DENND5B: variants seen among roughly 807,000 people sequenced by gnomAD.
The protein encoded by DENND5B is DENN domain containing 5B, also known as DENN domain-containing protein 5B.
DENND5B carries 34 observed loss-of-function variants against 140.6 expected under a neutral mutation model. The observed-to-expected ratio is 0.24, with a 90% CI of 0.18 to 0.32. DENND5B has a LOEUF of 0.32. DENND5B is among the 10% of genes least tolerant of loss of function. The pLI is 1.00. For missense variants in DENND5B, 1,142 were observed against 1,560.2 expected (o/e 0.73, Z 4.52); for synonymous variants, 551 against 562.1 (o/e 0.98, Z 0.28).
chr12:31,586,393 G>A (rs1950394113), intron 1 of DENND5B, among the ~76,000 whole-genome samples: 2 of 152,194 alleles, frequency 1.3e-5, no homozygotes. Flanking sequence ...GGTAGGAGAA[G>A]CACAAGAACT....
intron 14 of DENND5B, among the ~76,000 whole-genome samples, chr12:31,408,724 CT>C (rs1356133802): frequency 7.3e-5 from 11 of 150,316 alleles, no homozygotes; most frequent in Non-Finnish European, 1.5e-4. Flanking sequence ...CACACAGATA[CT>C]TTGATTTTAT....
chr12:31,549,480 G>C (rs1024204556), intron 1 of DENND5B, among the ~76,000 whole-genome samples: 20 of 149,322 alleles, frequency 1.3e-4, no homozygotes, highest in African/African-American at 4.9e-4. Flanking sequence ...TTACTTTCTT[G>C]GGTCCTATGG....
intron 1 of DENND5B, chr12:31,534,818 T>G: frequency 2.2e-6 from 1 of 456,758 alleles, no homozygotes; most frequent in Non-Finnish European, 4.3e-6. Context: ...GAAGTTGTTT[T>G]TCAGCCCTGG....
chr12:31,484,662 G>C (rs1018863463), intron 2 of DENND5B, among the ~76,000 whole-genome samples: 9 of 151,956 alleles, frequency 5.9e-5, no homozygotes, highest in African/African-American at 2.2e-4. Flanking sequence ...TTAGCAGGGC[G>C]TGGTGGCATG....
chr12:31,572,957 T>C (rs939120702), intron 1 of DENND5B, among the ~76,000 whole-genome samples: 1 of 152,234 alleles, frequency 6.6e-6, no homozygotes, highest in Non-Finnish European at 1.5e-5. Context: ...ACGAAACTCA[T>C]GCCAATTAAA....
intron 1 of DENND5B, among the ~76,000 whole-genome samples, chr12:31,521,858 G>T (rs892930988): frequency 4.6e-5 from 7 of 152,066 alleles, no homozygotes; most frequent in Non-Finnish European, 1.0e-4. Context: ...CCATACTATT[G>T]CCAAAATCAT....
Position 31,387,776 on chromosome 12 carries a change from G to C in DENND5B, c.3652C>G (p.Leu1218Val). 6.2e-7 allele frequency: 1 copy of C among 1,613,508 alleles called. No homozygotes were observed. The highest frequency in any genetic ancestry group is 8.5e-7 in the Non-Finnish European group (1 of 1,179,812). Residue 1218 changes from leucine (L) to valine (V), a missense_variant, in exon 21 of 21, where the codon CTC (leucine) becomes GTC (valine). By Grantham distance (32) the Leu-to-Val change is conservative. Coordinates refer to ENST00000389082, the MANE Select transcript of DENND5B (RefSeq NM_144973.4). ...LVCLGTRDRLLPQWIPLLAEC... is the reference protein window; with the variant it reads ...LVCLGTRDRLVPQWIPLLAEC... The stretch of plus-strand genomic sequence containing the variant: ...GCTAACAATGGAATCCACTGTGGGA[G>C]CAGGCGATCCCTACAGACCCAAACA...
chr12:31,450,364 T>C (rs931820008), intron 5 of DENND5B, among the ~76,000 whole-genome samples: 1 of 23,628 alleles, frequency 4.2e-5, no homozygotes, highest in Non-Finnish European at 2.3e-4. Context: ...AAAAAAATTA[T>C]CTTTTGTTTT....
chr12:31,553,123 C>T (rs1159152002), intron 1 of DENND5B, among the ~76,000 whole-genome samples: 1 of 152,044 alleles, frequency 6.6e-6, no homozygotes, highest in Admixed American at 6.6e-5. Context: ...TGTGTTTGCT[C>T]TTGCTTTTCT....
intron 1 of DENND5B, among the ~76,000 whole-genome samples, chr12:31,571,129 T>G (rs1836148974): frequency 1.3e-5 from 2 of 151,090 alleles, no homozygotes; most frequent in East Asian, 1.9e-4. Flanking sequence ...TCAGATCTGC[T>G]GCTGCTGCTT....
In DENND5B at chr12:31,463,210, G is replaced by A. The variant is rs952687698; in HGVS notation, c.905-2829C>T. On this transcript the variant is annotated intron_variant, in intron 3 of 20. Coordinates refer to ENST00000389082, the MANE Select transcript of DENND5B (RefSeq NM_144973.4). ...GGAGGCAGAGGTTGCAGTGAGCTGC[G>A]ATCGTACCACTGCACTCCAGGCCTG... is the stretch of plus-strand genomic sequence containing the variant. Among the ~76,000 whole-genome samples, 4 of 152,292 alleles carry A rather than the reference G, an allele frequency of 2.6e-5. No homozygotes were observed. The East Asian group carries it at 5.8e-4, about 22-fold the overall frequency.
intron 1 of DENND5B, among the ~76,000 whole-genome samples, chr12:31,514,563 C>A (rs990231012): frequency 1.3e-5 from 2 of 152,190 alleles, no homozygotes; most frequent in Non-Finnish European, 2.9e-5. Context: ...CGCCTGTAAT[C>A]ACAACACTGT....
intron 3 of DENND5B, among the ~76,000 whole-genome samples, chr12:31,479,263 CATT>C (rs1345882906): frequency 6.6e-6 from 1 of 152,166 alleles, no homozygotes; most frequent in Non-Finnish European, 1.5e-5. Flanking sequence ...CTCTCACTCT[CATT>C]ATGATGAAGA....
At chr12:31,460,756 C>T (rs1471848042) in intron 3 of DENND5B, among the ~76,000 whole-genome samples, 1 of 152,202 alleles carries the variant, frequency 6.6e-6, no homozygotes, top group African/African-American at 2.4e-5. Context: ...GATGGAGTCT[C>T]GCTTTGTTGC....
chr12:31,402,330 T>C (rs1941847929), intron 15 of DENND5B, among the ~76,000 whole-genome samples, 168 bp downstream of exon 15: 1 of 152,176 alleles, frequency 6.6e-6, no homozygotes, highest in Admixed American at 6.5e-5. Flanking sequence ...CAAATTAGTA[T>C]ATAAGCTGCT....
At chr12:31,409,148 TG>T in intron 14 of DENND5B, 114 bp downstream of exon 14, 1 of 1,135,784 alleles carries the variant, frequency 8.8e-7, no homozygotes, top group Non-Finnish European at 1.2e-6. Context: ...AACAGAGACC[TG>T]GGCGTATGTC....
chr12:31,538,383 A>AT (rs1237974656), intron 1 of DENND5B, among the ~76,000 whole-genome samples: 1 of 152,202 alleles, frequency 6.6e-6, no homozygotes, highest in Non-Finnish European at 1.5e-5. Context: ...TTTTCTTGAA[A>AT]TAAATGATAA....
At chr12:31,442,724 C>T in intron 7 of DENND5B, 51 bp downstream of exon 7, 1 of 1,578,968 alleles carries the variant, frequency 6.3e-7, no homozygotes, top group Non-Finnish European at 8.6e-7. Flanking sequence ...CAGAGCACCC[C>T]ACCCTTCATT....
intron 1 of DENND5B, among the ~76,000 whole-genome samples, chr12:31,533,067 G>A (rs1948343781): frequency 6.6e-6 from 1 of 152,126 alleles, no homozygotes; most frequent in African/African-American, 2.4e-5. Context: ...ACAAGTCATT[G>A]GATAATCATC....
Sources: allele counts gnomAD v4.1 joint callset (sites outside exome capture counted in the v4.1 genomes callset), GRCh38; gene constraint gnomAD v4.1.1; transcripts MANE v1.5; gene names NCBI Gene and HGNC (gene_info 2026-07-23, HGNC 2026-07-21).